Variants in ZNF484 observed in about 807,000 individuals in gnomAD.
The protein encoded by ZNF484 is KRAB box containing C2H2 type zinc finger bA526D8.4.
Under a neutral mutation model 12.9 loss-of-function variants are expected in ZNF484, and 11 were observed. That is an observed-to-expected ratio of 0.85 (90% CI 0.54 to 1.41). ZNF484 has a LOEUF of 1.41. ZNF484 is among the 40% of genes most tolerant of loss of function. The pLI, the probability that ZNF484 is intolerant of heterozygous loss-of-function variation, is 0.00. For synonymous variants in ZNF484, 289 were observed against 334.1 expected, an observed-to-expected ratio of 0.86 and a Z score of 1.47; for missense variants, 807 against 1,007.7, an observed-to-expected ratio of 0.80 and a Z score of 2.70.
chr9:92,855,663 A>G, intron 4 of ZNF484, 148 bp downstream of exon 4: 3 of 634,158 alleles, frequency 4.7e-6, no homozygotes, highest in Non-Finnish European at 8.2e-6. Flanking sequence ...TAGCTATCCA[A>G]GGGTCCTTGT....
rs1857712447 is a variant in ZNF484 at position 92,875,059 on chromosome 9, T to C, written c.-30A>G. 1.2e-6 allele frequency: 2 copies of C among 1,613,786 alleles called. No homozygotes were observed. The highest frequency in any genetic ancestry group is 2.7e-5 in the African/African-American group (2 of 74,902). On this transcript the variant is annotated splice_region_variant and 5_prime_UTR_variant, in exon 2 of 5. Coordinates refer to ENST00000375495, the MANE Select transcript of ZNF484 (RefSeq NM_031486.4). Reference sequence around the variant, plus strand: ...GGCTCTTCGGACAAAGGGGCAGAAATCTGAGAAAACAGATGGGTAGAGGTA... The same window carrying C: ...GGCTCTTCGGACAAAGGGGCAGAAACCTGAGAAAACAGATGGGTAGAGGTA...
chr9:92,856,967 G>A (rs987928863), intron 2 of ZNF484, among the ~76,000 whole-genome samples: 13 of 152,042 alleles, frequency 8.6e-5, no homozygotes, highest in African/African-American at 2.4e-4. Context: ...CTCGTGATCC[G>A]CCCGCCTCAG....
chr9:92,846,603 G>A lies in ZNF484; in HGVS notation c.2184C>T (p.Ser728=), dbSNP rs1249748812. 1 of 1,613,762 alleles carries A rather than the reference G, an allele frequency of 6.2e-7. No individual in the cohort carries two copies. Among genetic ancestry groups the A allele is most frequent in the Non-Finnish European group, 8.5e-7 (1 of 1,179,926 alleles). ...TATTTAAGTGTGACTTCTGGATGAAGGATTTCCCACATTCATTACAAATAT... is the reference window on the plus strand; with the variant it reads ...TATTTAAGTGTGACTTCTGGATGAAAGATTTCCCACATTCATTACAAATAT... ...KPYICNECGK[S]FIQKSHLNRH... The change falls in exon 5 of 5, where the codon TCC becomes TCT. Residue 728 remains serine, a synonymous_variant. Transcript: ENST00000375495.
chr9:92,846,685 A>G lies in ZNF484; in HGVS notation c.2102T>C (p.Phe701Ser). 1 of 1,614,020 alleles carries G rather than the reference A, an allele frequency of 6.2e-7. No homozygotes were observed. The highest frequency in any genetic ancestry group is 8.5e-7 in the Non-Finnish European group (1 of 1,180,010). ...CATAATTAGTGTTGATTTTCTTGCA[A>G]AGGCTTTCCCACATTCACTGCACTC... ...HYECSECGKA[F>S]ARKSTLIMHQ... is the part of the protein sequence containing the mutation. Residue 701 changes from phenylalanine to serine, a missense_variant, in exon 5 of 5, where the codon TTT becomes TCT. By Grantham distance (155) the Phe-to-Ser change is radical. Transcript: ENST00000375495.
chr9:92,862,056 G>C (rs1856810540), intron 2 of ZNF484: 5 of 618,372 alleles, frequency 8.1e-6, no homozygotes, highest in African/African-American at 2.0e-5. Context: ...TGAAGAGAAA[G>C]AGCTGTCAAT....
Position 92,875,191 on chromosome 9 carries a change from T to C in ZNF484, c.-30-132A>G, listed in dbSNP as rs567800502. On this transcript the variant is annotated intron_variant, in intron 1 of 4. Coordinates refer to ENST00000375495, the MANE Select transcript of ZNF484 (RefSeq NM_031486.4). ...TTTCTGGAACTACCACATTAAAATA[T>C]CATCCCATCCCATATTGTACAAAGA... The C allele has an allele frequency of 1.5e-4, 102 of 663,348 alleles. No homozygotes were observed. In the African/African-American group the frequency reaches 1.7e-3, roughly 11 times the overall value. The allele number at this position is 663,348 out of a possible 1,614,324, so 41.1% of individuals were successfully genotyped here. A position where few individuals can be genotyped will look rare whatever the true frequency, so the allele number is the denominator to read the frequency against.
chr9:92,848,630 G>A lies in ZNF484; in HGVS notation c.236-79C>T. 6.6e-6 allele frequency: 9 copies of A among 1,353,804 alleles called. No individual in the cohort carries two copies. The highest frequency in any genetic ancestry group is 3.1e-5 in the South Asian group (2 of 65,320). The allele number at this position is 1,353,804 out of a possible 1,614,324, so 83.9% of individuals were successfully genotyped here. A position where few individuals can be genotyped will look rare whatever the true frequency, so the allele number is the denominator to read the frequency against. ...AGGCCAGGTGCGGTGGCTCATGCCT[G>A]TAATCCTAGCACTTTGGGAGGCTGA... On this transcript the variant is annotated intron_variant, in intron 4 of 4. Coordinates refer to ENST00000375495, the MANE Select transcript of ZNF484 (RefSeq NM_031486.4). The surrounding 1 kb of genome is among the most constrained non-coding windows in gnomAD (Gnocchi z 4.1).
chr9:92,847,722 A>C lies in ZNF484; in HGVS notation c.1065T>G (p.Pro355=). Residue 355 remains proline (P), a synonymous_variant, in exon 5 of 5, where the codon CCT becomes CCG. Coordinates refer to ENST00000375495, the MANE Select transcript of ZNF484 (RefSeq NM_031486.4). ...TTTTCTCACATTCACTGTACTCATA[A>C]GGTTTTTCTCCAGAATGAATTCTCT... The part of the protein sequence containing the change: ...RCQRIHSGEK[P]YEYSECEKNL... 1 of 1,613,812 alleles carries C rather than the reference A, an allele frequency of 6.2e-7. No homozygotes were observed. The highest frequency in any genetic ancestry group is 8.5e-7 in the Non-Finnish European group (1 of 1,180,032).
Position 92,848,547 on chromosome 9 carries a change from C to A in ZNF484, c.240G>T (p.Gly80=). 6.4e-7 allele frequency: 1 copy of A among 1,567,940 alleles called. No homozygotes were observed. Among genetic ancestry groups the A allele is most frequent in the Non-Finnish European group, 8.6e-7 (1 of 1,166,154 alleles). ...GEIPSQSRPD[G]DIGFGPLQQR... is the part of the protein sequence containing the mutation. ...GTTGTAAAGGTCCAAAACCAATGTC[C>A]CCATCTAAAAAAGAAAGAAAAGATA... is the stretch of plus-strand genomic sequence containing the variant. Residue 80 remains glycine, a synonymous_variant, in exon 5 of 5, where the codon GGG becomes GGT. Coordinates refer to ENST00000375495, the MANE Select transcript of ZNF484 (RefSeq NM_031486.4). This position sits in a 1 kb window ranked among gnomAD's most constrained non-coding sequence, Gnocchi z 4.1.
intron 1 of ZNF484, 83 bp downstream of exon 1, chr9:92,877,807 C>G: frequency 1.3e-6 from 2 of 1,535,860 alleles, no homozygotes; most frequent in East Asian, 2.4e-5. Flanking sequence ...CACTGACCGA[C>G]CCCATCACTG....
chr9:92,874,542 T>TC (rs1388790882), intron 2 of ZNF484, among the ~76,000 whole-genome samples: 8 of 151,970 alleles, frequency 5.3e-5, no homozygotes, highest in Non-Finnish European at 1.2e-4. Flanking sequence ...GAACTCCTGA[T>TC]CTCATGTGAT....
At chr9:92,869,269 C>T (rs1479253693) in intron 2 of ZNF484, among the ~76,000 whole-genome samples, 1 of 152,038 alleles carries the variant, frequency 6.6e-6, no homozygotes, top group Admixed American at 6.5e-5. Flanking sequence ...ATATATTGTA[C>T]ATGTATGTAT....
intron 2 of ZNF484, among the ~76,000 whole-genome samples, chr9:92,863,328 T>C (rs1856887565): frequency 6.6e-6 from 1 of 151,802 alleles, no homozygotes; most frequent in African/African-American, 2.4e-5. Context: ...GCTTAATACC[T>C]AGGTGATGGC....
chr9:92,877,834 C>G (rs1182601929), intron 1 of ZNF484, 56 bp downstream of exon 1: 3 of 1,535,898 alleles, frequency 2.0e-6, no homozygotes, highest in East Asian at 4.9e-5. Context: ...AGGCTCAGGA[C>G]AGACATCAGA....
In ZNF484 at chr9:92,846,452, C is replaced by T. The variant is rs1855601514; in HGVS notation, c.2335G>A (p.Ala779Thr). Residue 779 changes from alanine to threonine, a missense_variant, in exon 5 of 5, where the codon GCT becomes ACT. Transcript: ENST00000375495. ...ATGGTGAAGGCCTTTCCACACTCAG[C>T]ACATATATATGGTTTCTCTCCTGTG... is the stretch of plus-strand genomic sequence containing the variant. ...IHTGEKPYIC[A>T]ECGKAFTIRS... is the part of the protein sequence containing the mutation. 1 of 1,613,966 alleles carries T rather than the reference C, an allele frequency of 6.2e-7. No individual in the cohort carries two copies. The highest frequency in any genetic ancestry group is 1.3e-5 in the African/African-American group (1 of 74,894).
At chr9:92,865,706 A>C (rs1371699031) in intron 2 of ZNF484, among the ~76,000 whole-genome samples, 1 of 152,156 alleles carries the variant, frequency 6.6e-6, no homozygotes, top group East Asian at 1.9e-4. Context: ...CAGGAGTTCA[A>C]GACTAGCCTG....
intron 2 of ZNF484, among the ~76,000 whole-genome samples, chr9:92,863,162 A>G (rs1856871972): frequency 6.6e-6 from 1 of 151,740 alleles, no homozygotes; most frequent in Non-Finnish European, 1.5e-5. Context: ...AAACTAATGC[A>G]GGAACAGAAA....
intron 2 of ZNF484, among the ~76,000 whole-genome samples, chr9:92,856,714 A>G (rs528540654): frequency 5.9e-5 from 9 of 152,240 alleles, no homozygotes; most frequent in South Asian, 2.1e-4. Context: ...TACACTAAAA[A>G]TCAATACATG....
chr9:92,848,019 G>A lies in ZNF484; in HGVS notation c.768C>T (p.Tyr256=), dbSNP rs182903285. 276 of 1,614,144 alleles carry A rather than the reference G, an allele frequency of 1.7e-4. 1 individual carries two copies. In the East Asian group the frequency reaches 3.3e-3, roughly 19 times the overall value. The change falls in exon 5 of 5, where the codon TAC becomes TAT. Residue 256 remains tyrosine, a synonymous_variant. Coordinates refer to ENST00000375495, the MANE Select transcript of ZNF484 (RefSeq NM_031486.4). The surrounding 1 kb of genome is among the most constrained non-coding windows in gnomAD (Gnocchi z 4.1). ...GTGACTTCGGGGAGAAAACATTTAC[G>A]TAGTCAGAAAACAAATAGAGGCTCT... The part of the protein sequence containing the change: ...TRESLYLFSD[Y]VNVFSPKSHA...
Sources: allele counts gnomAD v4.1 joint callset (sites outside exome capture counted in the v4.1 genomes callset), GRCh38; gene constraint gnomAD v4.1.1; non-coding constraint Gnocchi (gnomAD v3.1); transcripts MANE v1.5; gene names NCBI Gene and HGNC (gene_info 2026-07-23, HGNC 2026-07-21).